CELF2: variants seen among roughly 807,000 people sequenced by gnomAD.
The protein encoded by CELF2 is CUG triplet repeat RNA-binding protein 2.
In CELF2, 8 loss-of-function variants were observed where a neutral mutation model predicts 62.6. The ratio of observed to expected loss-of-function variants is 0.13; its 90% CI spans 0.07 to 0.23. CELF2 has a LOEUF of 0.23. CELF2 is among the 10% of genes least tolerant of loss of function. The probability of loss-of-function intolerance (pLI) is 1.00; values close to 1 mark genes in which losing one functional copy is unlikely to be tolerated. For missense variants in CELF2, 333 were observed against 671.0 expected, an observed-to-expected ratio of 0.50 and a Z score of 5.56; for synonymous variants, 258 against 250.0, an observed-to-expected ratio of 1.03 and a Z score of -0.30.
At chr10:10,687,792 A>T in the CELF2 span, among the ~76,000 whole-genome samples, 1 of 152,184 alleles carries the variant, frequency 6.6e-6, no homozygotes, top group East Asian at 1.9e-4. Context: ...CATAATTTCT[A>T]TTGCCCCAGT....
At chr10:11,216,851 C>T (rs2063491717) in intron 2 of CELF2, among the ~76,000 whole-genome samples, 1 of 152,154 alleles carries the variant, frequency 6.6e-6, no homozygotes, top group Admixed American at 6.5e-5. Context: ...ATTTCTAAGC[C>T]AGTTAAAATA....
At chr10:10,792,803 C>T in the CELF2 span, among the ~76,000 whole-genome samples, 1 of 151,968 alleles carries the variant, frequency 6.6e-6, no homozygotes, top group South Asian at 2.1e-4. Flanking sequence ...CTCTTTTTTC[C>T]CCCCTACTGT....
At chr10:10,842,925 A>T (rs530452321) in intron 1 of CELF2, among the ~76,000 whole-genome samples, 4 of 152,144 alleles carry the variant, frequency 2.6e-5, no homozygotes, top group African/African-American at 9.6e-5. Flanking sequence ...AGCCTGGTAC[A>T]CTTCTTTGGG....
At chr10:10,791,892 A>G in the CELF2 span, among the ~76,000 whole-genome samples, 1 of 152,048 alleles carries the variant, frequency 6.6e-6, no homozygotes, top group Non-Finnish European at 1.5e-5. Flanking sequence ...GCTTGATTTT[A>G]TTTGTATTTA....
At chr10:11,151,024 G>T (rs2132664914) in intron 1 of CELF2, among the ~76,000 whole-genome samples, 1 of 146,502 alleles carries the variant, frequency 6.8e-6, no homozygotes, top group South Asian at 2.1e-4. Flanking sequence ...AAAAGTCCAG[G>T]AGCAAAATAT....
At chr10:11,167,912 C>T (rs780780531) in intron 2 of CELF2, among the ~76,000 whole-genome samples, 3 of 152,112 alleles carry the variant, frequency 2.0e-5, no homozygotes, top group Non-Finnish European at 2.9e-5. Context: ...AACATAGCCC[C>T]GTTTGCCCAG....
At chr10:10,552,833 G>A in the CELF2 span, among the ~76,000 whole-genome samples, 3 of 152,168 alleles carry the variant, frequency 2.0e-5, no homozygotes, top group Non-Finnish European at 4.4e-5. Context: ...CAGATGAGGT[G>A]GCTTAAACAG....
At chr10:10,642,880 C>A in the CELF2 span, among the ~76,000 whole-genome samples, 1 of 152,208 alleles carries the variant, frequency 6.6e-6, no homozygotes, top group Non-Finnish European at 1.5e-5. Context: ...TATCTGCAGG[C>A]CTGGCCTGCC....
At chr10:11,043,850 G>A (rs1452296457) in intron 1 of CELF2, among the ~76,000 whole-genome samples, 1 of 152,086 alleles carries the variant, frequency 6.6e-6, no homozygotes, top group Non-Finnish European at 1.5e-5. Flanking sequence ...TGGCTTCCTC[G>A]CATACCTAGA....
the CELF2 span, among the ~76,000 whole-genome samples, chr10:10,588,802 C>T: frequency 1.3e-5 from 2 of 152,242 alleles, no homozygotes; most frequent in Non-Finnish European, 2.9e-5. Context: ...ACTTGGAGCA[C>T]TCCATTCGGA....
At chr10:10,679,532 C>T in the CELF2 span, among the ~76,000 whole-genome samples, 8 of 152,280 alleles carry the variant, frequency 5.3e-5, no homozygotes, top group East Asian at 5.8e-4. Context: ...TCAAGTGATC[C>T]GCCAGCCTTG....
rs2050454028 is a variant in CELF2 at position 11,098,221 on chromosome 10, A to G, written c.75-67265A>G. On this transcript the variant is annotated intron_variant, in intron 1 of 12. Transcript: ENST00000633077. This position sits in a 1 kb window ranked among gnomAD's most constrained non-coding sequence, Gnocchi z 4.0. ...TGAAGGACAGTCTTAGGACGGGGAC[A>G]AAGAGTCTGAGGAGTGGGACGTTCT... 6.6e-6 allele frequency: 1 copy of G among 152,308 alleles called. No individual in the cohort carries two copies. 9.4% of individuals were successfully genotyped at this position (152,308 alleles called of 1,614,324 possible). A position where few individuals can be genotyped will look rare whatever the true frequency, so the allele number is the denominator to read the frequency against.
chr10:10,585,052 C>T, the CELF2 span, among the ~76,000 whole-genome samples: 40 of 151,942 alleles, frequency 2.6e-4, no homozygotes, highest in Admixed American at 5.3e-4. Context: ...AGGAAGGGAT[C>T]TTGGAGGTCA....
chr10:11,034,318 A>G (rs969140536), intron 1 of CELF2, among the ~76,000 whole-genome samples: 3 of 151,956 alleles, frequency 2.0e-5, no homozygotes, highest in African/African-American at 7.2e-5. Flanking sequence ...TCTGTAGATC[A>G]GGTGAGGTAA....
In CELF2 at chr10:11,190,828, A is replaced by C. The variant is rs183385587; in HGVS notation, c.271+25146A>C. Among the ~76,000 whole-genome samples, 363 of 137,726 alleles carry C rather than the reference A, an allele frequency of 2.6e-3. 2 individuals are homozygous for C. The highest frequency in any genetic ancestry group is 4.0e-3 in the Non-Finnish European group (257 of 64,528). 90.4% of individuals were successfully genotyped at this position (137,726 alleles called of 152,430 possible). A position where few individuals can be genotyped will look rare whatever the true frequency, so the allele number is the denominator to read the frequency against. On this transcript the variant is annotated intron_variant, in intron 2 of 12. Transcript: ENST00000633077. ...AGCCATTGAAATGATTCCACTTCTGAGTTACCTGGAGCAGTCAAATTCAGA... is the reference window on the plus strand; with the variant it reads ...AGCCATTGAAATGATTCCACTTCTGCGTTACCTGGAGCAGTCAAATTCAGA...
intron 1 of CELF2, among the ~76,000 whole-genome samples, chr10:11,070,989 A>G (rs2069770017): frequency 6.6e-6 from 1 of 152,204 alleles, no homozygotes. Context: ...GATAGTATAG[A>G]TGACTATTTT....
In CELF2 at chr10:11,297,437, G is replaced by A. The variant is rs1262613862; in HGVS notation, c.976+8885G>A. On this transcript the variant is annotated intron_variant, in intron 9 of 12. Coordinates refer to ENST00000633077, the MANE Select transcript of CELF2 (RefSeq NM_001326342.2). The surrounding 1 kb of genome is among the most constrained non-coding windows in gnomAD (Gnocchi z 4.4). ...CCAGGTGCAGAAAGCCTTGGGGTCT[G>A]TGCTTGTGGAACAGAGGGACCAGGG... Among the ~76,000 whole-genome samples the A allele has an allele frequency of 1.3e-5, 2 of 152,128 alleles. No individual in the cohort carries two copies. Among genetic ancestry groups the A allele is most frequent in the Non-Finnish European group, 2.9e-5 (2 of 68,032 alleles).
the CELF2 span, among the ~76,000 whole-genome samples, chr10:10,633,702 T>TA: frequency 2.3e-4 from 27 of 118,608 alleles, no homozygotes; most frequent in Non-Finnish European, 4.3e-4. Context: ...GATTATTGAG[T>TA]ATGTCTGTTA....
At chr10:10,638,832 A>G in the CELF2 span, among the ~76,000 whole-genome samples, 21 of 152,324 alleles carry the variant, frequency 1.4e-4, no homozygotes, top group African/African-American at 5.1e-4. Context: ...GTGGATTCCT[A>G]TGTGGACTGA....
Sources: gnomAD v4.1 joint callset for allele counts (sites outside exome capture counted in the v4.1 genomes callset) on GRCh38, gnomAD v4.1.1 for gene constraint, Gnocchi (gnomAD v3.1) non-coding constraint, MANE v1.5 for transcripts, NCBI Gene and HGNC (gene_info 2026-07-23, HGNC 2026-07-21) for gene names.